Variants in ELMO2 observed in about 807,000 individuals in gnomAD.
ELMO2 encodes engulfment and cell motility 2, also known as engulfment and cell motility protein 2.
ELMO2 carries 37 observed loss-of-function variants against 96.2 expected under a neutral mutation model. The observed-to-expected ratio is 0.38, with a 90% CI of 0.30 to 0.51. The LOEUF is 0.51. Ranked by LOEUF, ELMO2 falls within the 20% of genes least tolerant of loss-of-function variation. The probability of loss-of-function intolerance (pLI) is 0.88; values close to 1 mark genes in which losing one functional copy is unlikely to be tolerated. For missense variants in ELMO2, 561 were observed against 912.6 expected (o/e 0.61, Z 4.96); for synonymous variants, 315 against 329.4 (o/e 0.96, Z 0.47).
intron 20 of ELMO2, chr20:46,369,372 A>T (rs2059650016): frequency 6.0e-6 from 1 of 168,036 alleles, no homozygotes; most frequent in South Asian, 1.6e-4. Flanking sequence ...ACACACACAC[A>T]CAAAATTGGT....
At chr20:46,393,492 C>T (rs754564827) in intron 5 of ELMO2, 37 bp downstream of exon 5, 5 of 1,605,608 alleles carry the variant, frequency 3.1e-6, no homozygotes, top group Middle Eastern at 1.7e-4. Context: ...TAATTCCAAG[C>T]AAGGCCCATA....
chr20:46,394,367 C>G (rs2060208897), intron 3 of ELMO2, 38 bp downstream of exon 3: 4 of 1,610,848 alleles, frequency 2.5e-6, no homozygotes, highest in African/African-American at 1.3e-5. Flanking sequence ...CCCCAGGTGC[C>G]TTTCCTTGAA....
chr20:46,384,173 T>G (rs1196516374), intron 9 of ELMO2, among the ~76,000 whole-genome samples: 1 of 152,234 alleles, frequency 6.6e-6, no homozygotes, highest in Non-Finnish European at 1.5e-5. Context: ...AGTGGGTATG[T>G]CTGGAGGTGA....
chr20:46,386,878 G>A (rs1486021782), intron 8 of ELMO2, among the ~76,000 whole-genome samples: 1 of 151,918 alleles, frequency 6.6e-6, no homozygotes, highest in African/African-American at 2.4e-5. Flanking sequence ...AAGAAAGGAG[G>A]GTAAAACCAG....
At position 46,369,163 on chromosome 20, in the gene ELMO2, C is replaced by T. The variant is rs1257924509; in HGVS notation, c.1885-195G>A. The stretch of plus-strand genomic sequence containing the variant: ...TAAATCAACCTTAACTTACCCACTC[C>T]CTGCCCAAGTCACATCAAAGATGTT... On this transcript the variant is annotated intron_variant, in intron 20 of 21. Transcript: ENST00000290246. 8 of 543,050 alleles carry T rather than the reference C, an allele frequency of 1.5e-5. No homozygotes were observed. In the Admixed American group the frequency reaches 1.9e-4, roughly 13 times the overall value. The allele number at this position is 543,050 out of a possible 1,614,324, so 33.6% of individuals were successfully genotyped here.
Position 46,367,481 on chromosome 20 carries a change from G to T in ELMO2, c.2042C>A (p.Thr681Asn). ...SSELTKSDLD[T>N]LLSMEMKLRL... is the part of the protein sequence containing the mutation. The stretch of plus-strand genomic sequence containing the variant: ...CAGCTTCATCTCCATGCTCAGCAGG[G>T]TGTCCAGGTCACTCTTGGTCAGCTC... The change falls in exon 22 of 22, where the codon ACC becomes AAC. Residue 681 changes from threonine to asparagine, a missense_variant. Physicochemically the swap from Thr to Asn is moderately conservative, Grantham distance 65. Transcript: ENST00000290246. 6.2e-7 allele frequency: 1 copy of T among 1,613,814 alleles called. No homozygotes were observed. The highest frequency in any genetic ancestry group is 1.1e-5 in the South Asian group (1 of 91,022).
intron 9 of ELMO2, among the ~76,000 whole-genome samples, chr20:46,385,399 A>G (rs2060023974): frequency 6.6e-6 from 1 of 152,208 alleles, no homozygotes; most frequent in Non-Finnish European, 1.5e-5. Context: ...AAACAAAGGA[A>G]AAAAGCCCCT....
At chr20:46,374,481 A>G in intron 14 of ELMO2, 41 bp from the exon 15 acceptor site, 1 of 1,611,936 alleles carries the variant, frequency 6.2e-7, no homozygotes, top group Non-Finnish European at 8.5e-7. Flanking sequence ...GAGATGAAGG[A>G]GGAAGGCAGG....
chr20:46,388,764 T>C (rs1326132807), intron 7 of ELMO2, among the ~76,000 whole-genome samples: 1 of 152,188 alleles, frequency 6.6e-6, no homozygotes, highest in Non-Finnish European at 1.5e-5. Context: ...ACTGCTCTCC[T>C]CCTGACTTCT....
At chr20:46,405,926 T>C (rs1483625310) in intron 1 of ELMO2, among the ~76,000 whole-genome samples, 1 of 151,612 alleles carries the variant, frequency 6.6e-6, no homozygotes, top group East Asian at 1.9e-4. Context: ...CTGGGCACGG[T>C]GCAAGGCCGA....
intron 11 of ELMO2, among the ~76,000 whole-genome samples, chr20:46,378,714 A>G (rs181064598): frequency 1.8e-4 from 27 of 152,312 alleles, no homozygotes; most frequent in Admixed American, 6.5e-4. Context: ...CTTCAATCCT[A>G]TCACCTCTGC....
chr20:46,393,076 G>A lies in ELMO2; in HGVS notation c.243+17C>T, dbSNP rs745307899. 6.2e-7 allele frequency: 1 copy of A among 1,612,010 alleles called. No homozygotes were observed. The highest frequency in any genetic ancestry group is 2.2e-5 in the East Asian group (1 of 44,862). On this transcript the variant is annotated intron_variant, in intron 6 of 21. Coordinates refer to ENST00000290246, the MANE Select transcript of ELMO2 (RefSeq NM_133171.5). ...TTTGTGACATGAATAAACTCCTAAG[G>A]AAGAAAGAATACCTACCGGGGAGAT...
intron 9 of ELMO2, among the ~76,000 whole-genome samples, chr20:46,385,186 C>A (rs1406004017): frequency 6.6e-6 from 1 of 152,182 alleles, no homozygotes; most frequent in Non-Finnish European, 1.5e-5. Flanking sequence ...GTCTAAAAAA[C>A]AGAAGTGAAC....
At chr20:46,374,766 T>A (rs2145777658) in intron 13 of ELMO2, 126 bp from the exon 14 acceptor site, 1 of 760,766 alleles carries the variant, frequency 1.3e-6, no homozygotes, top group East Asian at 2.7e-5. Context: ...GTCCTAGCTC[T>A]TTTCACACCC....
rs572805895 is a variant in ELMO2 at position 46,389,048 on chromosome 20, A to G, written c.416T>C (p.Leu139Pro). 2.8e-5 allele frequency: 45 copies of G among 1,613,756 alleles called. No individual in the cohort carries two copies. In the South Asian group the frequency reaches 4.4e-4, roughly 16 times the overall value. Reference sequence around the variant, plus strand: ...CCTTAGTCATACTCACTGGGACAAGAGCTTGGTTCCACTTTCCACGAGCCT... The same window carrying G: ...CCTTAGTCATACTCACTGGGACAAGGGCTTGGTTCCACTTTCCACGAGCCT... ...LTRLVESGTKLLSHYSEMLAF... is the reference protein window; with the variant it reads ...LTRLVESGTKPLSHYSEMLAF... Residue 139 changes from leucine to proline, a missense_variant, in exon 7 of 22, where the codon CTC becomes CCC. Leu to Pro is a moderately conservative substitution (Grantham distance 98). Coordinates refer to ENST00000290246, the MANE Select transcript of ELMO2 (RefSeq NM_133171.5).
At chr20:46,393,996 T>G in intron 4 of ELMO2, 53 bp downstream of exon 4, 1 of 1,612,064 alleles carries the variant, frequency 6.2e-7, no homozygotes, top group Admixed American at 1.7e-5. Flanking sequence ...GGTGTAGGAG[T>G]GCTCTTTCAG....
At position 46,375,850 on chromosome 20, in the gene ELMO2, C is replaced by T. The variant is rs1421886047; in HGVS notation, c.808-60G>A. 3 of 1,602,398 alleles carry T rather than the reference C, an allele frequency of 1.9e-6. No homozygotes were observed. The highest frequency in any genetic ancestry group is 1.7e-6 in the Non-Finnish European group (2 of 1,172,182). On this transcript the variant is annotated intron_variant, in intron 11 of 21. Coordinates refer to ENST00000290246, the MANE Select transcript of ELMO2 (RefSeq NM_133171.5). This position sits in a 1 kb window ranked among gnomAD's most constrained non-coding sequence, Gnocchi z 4.6. ...ACTGATCTCTTTTAATGAAGGGCCA[C>T]ATCCATGCTAAGGAAAAGGAATGTA...
At chr20:46,394,589 G>A (rs1235106952) in intron 2 of ELMO2, 57 bp from the exon 3 acceptor site, 4 of 1,321,408 alleles carry the variant, frequency 3.0e-6, no homozygotes, top group Non-Finnish European at 3.2e-6. Flanking sequence ...TTTCACTCTT[G>A]TTACATGTTT....
chr20:46,380,072 G>T, intron 11 of ELMO2, 181 bp downstream of exon 11: 1 of 529,242 alleles, frequency 1.9e-6, no homozygotes, highest in African/African-American at 1.9e-5. Context: ...GCTGCCTAGA[G>T]GCAACTCTGC....
Sources: allele counts gnomAD v4.1 joint callset (sites outside exome capture counted in the v4.1 genomes callset), GRCh38; gene constraint gnomAD v4.1.1; non-coding constraint Gnocchi (gnomAD v3.1); transcripts MANE v1.5; gene names NCBI Gene and HGNC (gene_info 2026-07-23, HGNC 2026-07-21).